The following THEMIS variants were observed in gnomAD, a reference collection of about 807,000 sequenced individuals.
The protein encoded by THEMIS is thymocyte selection associated, also known as protein THEMIS.
A neutral mutation model predicts 52.6 loss-of-function variants in THEMIS; 37 were observed. The ratio of observed to expected loss-of-function variants is 0.70; its 90% CI spans 0.54 to 0.93. The LOEUF (loss-of-function observed/expected upper bound fraction) is 0.93, where lower values mean the gene tolerates loss of function less well. Among genes scored for constraint, THEMIS ranks in the 40% least tolerant of loss-of-function variants. THEMIS has a pLI of 0.00. For missense variants in THEMIS, 808 were observed against 763.1 expected, an observed-to-expected ratio of 1.06 and a Z score of -0.69; for synonymous variants, 292 against 272.7, an observed-to-expected ratio of 1.07 and a Z score of -0.70.
At position 127,742,345 on chromosome 6, in the gene THEMIS, CA is replaced by C. The variant is rs987178753; in HGVS notation, c.1759-22523del. Among the ~76,000 whole-genome samples, 9 of 134,922 alleles carry C rather than the reference CA, an allele frequency of 6.7e-5. 1 individual carries two copies. In the East Asian group the frequency reaches 1.1e-3, roughly 16 times the overall value. The allele number at this position is 134,922 out of a possible 152,430, so 88.5% of individuals were successfully genotyped here. The stretch of plus-strand genomic sequence containing the variant: ...AAAAAAAAACAAACAAAAAAACAAA[CA>C]AAAAAACAAAAAAACAAAACAAAAC... On this transcript the variant is annotated intron_variant, in intron 4 of 5. Coordinates refer to ENST00000368248, the MANE Select transcript of THEMIS (RefSeq NM_001010923.3).
chr6:127,722,168 C>T (rs1774385284), intron 4 of THEMIS, among the ~76,000 whole-genome samples: 1 of 151,916 alleles, frequency 6.6e-6, no homozygotes, highest in South Asian at 2.1e-4. Context: ...GAAACAGTTC[C>T]CACAGTGGAG....
At chr6:127,860,888 TACTAAGAGGGC>T (rs1779777087) in intron 1 of THEMIS, among the ~76,000 whole-genome samples, 1 of 152,130 alleles carries the variant, frequency 6.6e-6, no homozygotes. Context: ...AATAAAACTG[TACTAAGAGGGC>T]TTACAAGTGG....
At chr6:127,787,875 A>ATG (rs1227114871) in intron 4 of THEMIS, among the ~76,000 whole-genome samples, 1 of 89,564 alleles carries the variant, frequency 1.1e-5, no homozygotes, top group Admixed American at 1.3e-4. Flanking sequence ...AGATAGATAG[A>ATG]TAGATATAGA....
chr6:127,803,967 T>G (rs917729688), intron 4 of THEMIS, among the ~76,000 whole-genome samples: 6 of 152,136 alleles, frequency 3.9e-5, no homozygotes, highest in Non-Finnish European at 7.4e-5. Context: ...TTAAGCAGAT[T>G]TTAACAGAAA....
In THEMIS at chr6:127,719,762, A is replaced by G. The variant is rs771316560; in HGVS notation, c.1820T>C (p.Val607Ala). 6 of 1,612,430 alleles carry G rather than the reference A, an allele frequency of 3.7e-6. No homozygotes were observed. The highest frequency in any genetic ancestry group is 4.2e-6 in the Non-Finnish European group (5 of 1,179,010). The change falls in exon 5 of 6, where the codon GTA becomes GCA. Residue 607 changes from valine to alanine, a missense_variant. Transcript: ENST00000368248. ...CAAATCATTCTGACTACCAATCAGTACTTTTGAATCCAGGCCAGCTTGATT... is the reference window on the plus strand; with the variant it reads ...CAAATCATTCTGACTACCAATCAGTGCTTTTGAATCCAGGCCAGCTTGATT... ...HPNQAGLDSK[V>A]LIGSQNDLVD...
intron 4 of THEMIS, among the ~76,000 whole-genome samples, chr6:127,808,837 T>G (rs1026788432): frequency 6.6e-6 from 1 of 152,226 alleles, no homozygotes; most frequent in African/African-American, 2.4e-5. Context: ...ATTCTTTCTA[T>G]TTCTCCTAGT....
chr6:127,806,274 T>C (rs978678376), intron 4 of THEMIS, among the ~76,000 whole-genome samples: 1 of 152,204 alleles, frequency 6.6e-6, no homozygotes, highest in Non-Finnish European at 1.5e-5. Context: ...AGCTTTTTGC[T>C]AATCTATTGA....
chr6:127,918,356 A>G (rs1192366493), intron 1 of THEMIS: 1 of 152,228 alleles, frequency 6.6e-6, no homozygotes, highest in African/African-American at 2.4e-5. Flanking sequence ...CCCTGAGAGT[A>G]TATAAATAAT....
chr6:127,784,405 T>C (rs1776852627), intron 4 of THEMIS, among the ~76,000 whole-genome samples: 1 of 152,148 alleles, frequency 6.6e-6, no homozygotes, highest in Non-Finnish European at 1.5e-5. Flanking sequence ...ATTCCCTTTT[T>C]TCCAGCAAAG....
the THEMIS span, among the ~76,000 whole-genome samples, chr6:127,700,391 C>T: frequency 3.3e-5 from 5 of 151,638 alleles, no homozygotes; most frequent in South Asian, 2.1e-4. Flanking sequence ...AAAAATTAAA[C>T]GTCAGGGTTA....
At chr6:127,861,825 A>C (rs1003859167) in intron 1 of THEMIS, among the ~76,000 whole-genome samples, 1 of 151,008 alleles carries the variant, frequency 6.6e-6, no homozygotes, top group Non-Finnish European at 1.5e-5. Context: ...GAAAAGAAAA[A>C]AAAGAAAGAA....
upstream of THEMIS, among the ~76,000 whole-genome samples, chr6:127,902,623 C>T (rs1781170972): frequency 6.6e-6 from 1 of 152,104 alleles, no homozygotes; most frequent in African/African-American, 2.4e-5. Flanking sequence ...AGTCCAGCTT[C>T]ATTTCTTTCT....
chr6:127,856,884 T>C (rs942295279), intron 1 of THEMIS, among the ~76,000 whole-genome samples: 50 of 152,156 alleles, frequency 3.3e-4, no homozygotes, highest in African/African-American at 1.1e-3. Flanking sequence ...TGATCCTCAT[T>C]TGGCAATTAA....
At chr6:127,809,738 G>C (rs986011811) in intron 4 of THEMIS, among the ~76,000 whole-genome samples, 1 of 151,466 alleles carries the variant, frequency 6.6e-6, no homozygotes, top group African/African-American at 2.4e-5. Context: ...CACCAAATTT[G>C]TCCTCCCTTT....
chr6:127,818,334 T>TG (rs1189980848), intron 3 of THEMIS, among the ~76,000 whole-genome samples: 5 of 152,044 alleles, frequency 3.3e-5, no homozygotes, highest in Admixed American at 6.6e-5. Context: ...ACATCAACAG[T>TG]GCTCCTGTAT....
chr6:127,740,573 T>C (rs1042493481), intron 4 of THEMIS, among the ~76,000 whole-genome samples: 3 of 152,198 alleles, frequency 2.0e-5, no homozygotes, highest in Non-Finnish European at 4.4e-5. Context: ...GGTGACCATA[T>C]ATAAGTCCAG....
intron 4 of THEMIS, among the ~76,000 whole-genome samples, chr6:127,774,279 C>A (rs1326894928): frequency 2.6e-5 from 4 of 152,252 alleles, no homozygotes; most frequent in Non-Finnish European, 5.9e-5. Context: ...CATCTCCGCT[C>A]ACTGCAAGCT....
At chr6:127,788,058 C>T (rs1777035571) in intron 4 of THEMIS, among the ~76,000 whole-genome samples, 2 of 152,104 alleles carry the variant, frequency 1.3e-5, no homozygotes, top group African/African-American at 4.8e-5. Flanking sequence ...AGTATACCAC[C>T]ATGGACTCAC....
intron 4 of THEMIS, among the ~76,000 whole-genome samples, chr6:127,772,899 A>G (rs1311996352): frequency 1.3e-5 from 2 of 152,288 alleles, no homozygotes; most frequent in East Asian, 3.9e-4. Flanking sequence ...ATAGAATATT[A>G]ACATTTGTTT....
Sources: allele counts gnomAD v4.1 joint callset (sites outside exome capture counted in the v4.1 genomes callset), GRCh38; gene constraint gnomAD v4.1.1; transcripts MANE v1.5; gene names NCBI Gene and HGNC (gene_info 2026-07-23, HGNC 2026-07-21).